RAPGEF4: variants seen among roughly 807,000 people sequenced by gnomAD.
RAPGEF4 encodes Rap guanine nucleotide exchange factor 4, also known as RAP guanine-nucleotide-exchange factor (GEF) 4.
In RAPGEF4, 66 loss-of-function variants were observed where a neutral mutation model predicts 147.9. That is an observed-to-expected ratio of 0.45 (90% CI 0.37 to 0.55). The LOEUF is 0.55. Among genes scored for constraint, RAPGEF4 ranks in the 20% least tolerant of loss-of-function variants. RAPGEF4 has a pLI of 0.00. For missense variants in RAPGEF4, 1,071 were observed against 1,257.3 expected (o/e 0.85, Z 2.24); for synonymous variants, 419 against 442.7 (o/e 0.95, Z 0.67).
intron 1 of RAPGEF4, 46 bp downstream of exon 1, chr2:172,736,094 G>A: frequency 7.2e-7 from 1 of 1,390,506 alleles, no homozygotes; most frequent in South Asian, 1.5e-5. Context: ...CTGCGGTGCT[G>A]CCCGGGCCCT....
At chr2:173,047,269 C>T (rs534733067) in intron 29 of RAPGEF4, among the ~76,000 whole-genome samples, 37 of 152,218 alleles carry the variant, frequency 2.4e-4, no homozygotes, top group African/African-American at 8.9e-4. Flanking sequence ...TGTTTCTGTC[C>T]ATTTTCTTTT....
intron 6 of RAPGEF4, among the ~76,000 whole-genome samples, chr2:172,935,040 G>A (rs528839167): frequency 6.6e-6 from 1 of 152,320 alleles, no homozygotes; most frequent in South Asian, 2.1e-4. Context: ...AACCAGGTAT[G>A]GTGGCACGCA....
In RAPGEF4 at chr2:173,037,723, G is replaced by A. The variant is rs576504919; in HGVS notation, c.2853+1031G>A. 4.6e-5 allele frequency among the ~76,000 whole-genome samples: 7 copies of A among 152,182 alleles called. No homozygotes were observed. In the South Asian group the frequency reaches 1.5e-3, roughly 32 times the overall value. Reference sequence around the variant, plus strand: ...ATGTGGCGCCGTGAGAAAAGCCGGGGACCTGGAGTCTGGGAGACATGAGGT... The same window carrying A: ...ATGTGGCGCCGTGAGAAAAGCCGGGAACCTGGAGTCTGGGAGACATGAGGT... On this transcript the variant is annotated intron_variant, in intron 29 of 30. Transcript: ENST00000397081.
At chr2:172,865,706 G>C (rs891078891) in intron 4 of RAPGEF4, among the ~76,000 whole-genome samples, 1 of 151,814 alleles carries the variant, frequency 6.6e-6, no homozygotes, top group Non-Finnish European at 1.5e-5. Context: ...GCCTGTCTTG[G>C]TGTTGGCCAC....
chr2:172,953,367 G>C (rs979343342), intron 6 of RAPGEF4, among the ~76,000 whole-genome samples: 7 of 146,844 alleles, frequency 4.8e-5, no homozygotes. Context: ...TATGTATAGA[G>C]AGAATTATAT....
intron 1 of RAPGEF4, among the ~76,000 whole-genome samples, chr2:172,746,892 C>A (rs13011903): frequency 0.11 from 16,334 of 152,196 alleles, 1,073 homozygotes; most frequent in Non-Finnish European, 0.14. Context: ...GGATTACAGG[C>A]TTGAGCCACT....
rs781545527 is a variant in RAPGEF4, at chr2:173,030,191, C to T, written c.2586C>T (p.Ser862=). The change falls in exon 26 of 31, where the codon TCC becomes TCT. Residue 862 remains serine (S), a synonymous_variant. Transcript: ENST00000397081. ...AHCKEYKNLN[S]FFAIVMGLSN... is the part of the protein sequence containing the mutation. ...GTAAGGAGTATAAAAATCTGAATTC[C>T]TTTTTTGCCATCGTCATGGGACTAA... The T allele has an allele frequency of 5.0e-6, 8 of 1,613,286 alleles. No homozygotes were observed. The highest frequency in any genetic ancestry group is 6.8e-6 in the Non-Finnish European group (8 of 1,179,368).
intron 4 of RAPGEF4, among the ~76,000 whole-genome samples, chr2:172,884,767 T>C (rs1376824319): frequency 6.6e-6 from 1 of 152,224 alleles, no homozygotes; most frequent in Non-Finnish European, 1.5e-5. Flanking sequence ...TGATATGGTA[T>C]TATTTTTTTC....
At chr2:172,964,401 A>ATTTTTTTTTTT (rs11374637) in intron 8 of RAPGEF4, among the ~76,000 whole-genome samples, 1 of 115,166 alleles carries the variant, frequency 8.7e-6, no homozygotes, top group Non-Finnish European at 1.7e-5. Flanking sequence ...TGCTCCTCCT[A>ATTTTTTTTTTT]TTTTTTTTTT....
chr2:172,991,850 A>G (rs1176174480), intron 15 of RAPGEF4, among the ~76,000 whole-genome samples: 1 of 152,216 alleles, frequency 6.6e-6, no homozygotes, highest in Non-Finnish European at 1.5e-5. Flanking sequence ...AGACATTTTC[A>G]TTTGGGTGAA....
intron 1 of RAPGEF4, among the ~76,000 whole-genome samples, chr2:172,789,181 A>T (rs1049856701): frequency 2.0e-5 from 3 of 152,234 alleles, no homozygotes; most frequent in African/African-American, 7.2e-5. Flanking sequence ...TGATTAGGTC[A>T]GGCCCAACCA....
At chr2:172,983,662 G>A in intron 11 of RAPGEF4, 82 bp downstream of exon 11, 1 of 1,534,136 alleles carries the variant, frequency 6.5e-7, no homozygotes, top group Admixed American at 2.2e-5. Flanking sequence ...TTACGGTGTT[G>A]TGGGGGGAAA....
chr2:172,757,376 G>A (rs1319367379), intron 1 of RAPGEF4, among the ~76,000 whole-genome samples: 1 of 152,172 alleles, frequency 6.6e-6, no homozygotes, highest in South Asian at 2.1e-4. Flanking sequence ...GTACTTCTGT[G>A]ATTTATGATT....
chr2:172,748,607 A>G (rs1386738186), intron 1 of RAPGEF4, among the ~76,000 whole-genome samples: 1 of 152,166 alleles, frequency 6.6e-6, no homozygotes, highest in Non-Finnish European at 1.5e-5. Context: ...ACAATTCAAG[A>G]TAGATTTGGG....
At chr2:172,832,545 T>G (rs137892484) in intron 4 of RAPGEF4, among the ~76,000 whole-genome samples, 2 of 152,360 alleles carry the variant, frequency 1.3e-5, no homozygotes, top group African/African-American at 4.8e-5. Flanking sequence ...TAAATTTGTT[T>G]ATCTGTGGTG....
At chr2:172,830,160 C>T (rs1690135554) in intron 4 of RAPGEF4, among the ~76,000 whole-genome samples, 7 of 152,112 alleles carry the variant, frequency 4.6e-5, no homozygotes. Flanking sequence ...AACATTTATT[C>T]CCAGTGTAAC....
chr2:172,868,517 T>A lies in RAPGEF4; in HGVS notation c.445-49285T>A, dbSNP rs951674303. Among the ~76,000 whole-genome samples, 7 of 152,038 alleles carry A rather than the reference T, an allele frequency of 4.6e-5. No individual in the cohort carries two copies. The East Asian group carries it at 1.4e-3, about 29-fold the overall frequency. On this transcript the variant is annotated intron_variant, in intron 4 of 30. Coordinates refer to ENST00000397081, the MANE Select transcript of RAPGEF4 (RefSeq NM_007023.4). Reference sequence around the variant, plus strand: ...GGGAAGGAATCTTTGTATTGGGGAGTGGGAGGAAAGAGCCATGTGTACAGC... The same window carrying A: ...GGGAAGGAATCTTTGTATTGGGGAGAGGGAGGAAAGAGCCATGTGTACAGC...
chr2:173,035,526 A>G (rs1683875421), intron 27 of RAPGEF4, among the ~76,000 whole-genome samples: 4 of 151,696 alleles, frequency 2.6e-5, no homozygotes, highest in Non-Finnish European at 4.4e-5. Context: ...AAAAAAAAAA[A>G]AAGGGATCTC....
intron 10 of RAPGEF4, among the ~76,000 whole-genome samples, chr2:172,975,129 T>C (rs1690932764): frequency 1.3e-5 from 2 of 152,248 alleles, no homozygotes; most frequent in African/African-American, 4.8e-5. Flanking sequence ...ATGCAATATT[T>C]TTATTTGCCA....
Sources: gnomAD v4.1 joint callset for allele counts (sites outside exome capture counted in the v4.1 genomes callset) on GRCh38, gnomAD v4.1.1 for gene constraint, MANE v1.5 for transcripts, NCBI Gene and HGNC (gene_info 2026-07-23, HGNC 2026-07-21) for gene names.